Variants in GTF2E2 observed in about 807,000 individuals in gnomAD.
The protein encoded by GTF2E2 is general transcription factor IIE subunit 2, also known as transcription initiation factor IIE subunit beta.
GTF2E2 carries 21 observed loss-of-function variants against 40.5 expected under a neutral mutation model. The observed-to-expected ratio is 0.52, with a 90% CI of 0.37 to 0.75. GTF2E2 has a LOEUF of 0.75. Ranked by LOEUF, GTF2E2 falls within the 30% of genes least tolerant of loss-of-function variation. GTF2E2 has a pLI of 0.00. For synonymous variants in GTF2E2, 117 were observed against 121.6 expected (o/e 0.96, Z 0.25); for missense variants, 298 against 338.4 (o/e 0.88, Z 0.94).
intron 2 of GTF2E2, among the ~76,000 whole-genome samples, chr8:30,644,284 A>G (rs1189365241): frequency 6.6e-6 from 1 of 152,226 alleles, no homozygotes; most frequent in East Asian, 1.9e-4. Context: ...AAATGGAATA[A>G]TAACTGATAC....
At chr8:30,654,036 C>T (rs1469491970) in intron 1 of GTF2E2, among the ~76,000 whole-genome samples, 1 of 148,886 alleles carries the variant, frequency 6.7e-6, no homozygotes, top group African/African-American at 2.5e-5. Flanking sequence ...CTGCAGTGAG[C>T]TGTGATAATG....
intron 6 of GTF2E2, among the ~76,000 whole-genome samples, chr8:30,597,954 A>T (rs1829059579): frequency 6.6e-6 from 1 of 152,244 alleles, no homozygotes; most frequent in Non-Finnish European, 1.5e-5. Context: ...AATAGCCAGA[A>T]TTTTACATGT....
chr8:30,598,159 AAAG>A (rs527898950), intron 6 of GTF2E2, among the ~76,000 whole-genome samples: 60 of 152,372 alleles, frequency 3.9e-4, no homozygotes, highest in Non-Finnish European at 6.5e-4. Context: ...GCAAAATGGG[AAAG>A]AAGTACATAG....
intron 3 of GTF2E2, among the ~76,000 whole-genome samples, chr8:30,626,808 A>C (rs1294786380): frequency 6.6e-6 from 1 of 152,234 alleles, no homozygotes; most frequent in East Asian, 1.9e-4. Context: ...TTAGTAATCC[A>C]AAGAGTCCTA....
chr8:30,610,042 G>C (rs1029483318), intron 5 of GTF2E2, among the ~76,000 whole-genome samples: 2 of 152,146 alleles, frequency 1.3e-5, no homozygotes, highest in Non-Finnish European at 1.5e-5. Flanking sequence ...CCAGTCTCAA[G>C]CATTCCTTTA....
At chr8:30,650,637 A>C (rs1035925514) in intron 2 of GTF2E2, among the ~76,000 whole-genome samples, 3 of 152,008 alleles carry the variant, frequency 2.0e-5, no homozygotes, top group Admixed American at 2.0e-4. Context: ...TCGAGGCTGC[A>C]GTGAGCCATG....
chr8:30,609,375 A>C (rs1829419176), intron 5 of GTF2E2, among the ~76,000 whole-genome samples: 1 of 152,152 alleles, frequency 6.6e-6, no homozygotes, highest in Non-Finnish European at 1.5e-5. Context: ...AAAATATCCC[A>C]AAATTTGAAA....
At chr8:30,615,646 A>AAC (rs918675559) in intron 3 of GTF2E2, among the ~76,000 whole-genome samples, 34 of 152,082 alleles carry the variant, frequency 2.2e-4, no homozygotes, top group African/African-American at 4.6e-4. Flanking sequence ...ATCCAAAGAA[A>AAC]ACACACACAC....
rs145316581 is a variant in GTF2E2, at chr8:30,652,199, T to TA, written c.166+1233dup. On this transcript the variant is annotated intron_variant, in intron 2 of 7. Coordinates refer to ENST00000355904, the MANE Select transcript of GTF2E2 (RefSeq NM_002095.6). ...GATATGACACCAAGAATACAAATGA[T>TA]AAAAGAAAAAAACTGGTAAGGTGGA... 8.2e-3 allele frequency among the ~76,000 whole-genome samples: 1,240 copies of TA among 151,944 alleles called. 19 individuals carry two copies. Among genetic ancestry groups the TA allele is most frequent in the African/African-American group, 0.028 (1,150 of 41,466 alleles).
intron 6 of GTF2E2, among the ~76,000 whole-genome samples, chr8:30,603,313 A>G (rs1035513695): frequency 1.3e-5 from 2 of 152,224 alleles, no homozygotes; most frequent in Non-Finnish European, 2.9e-5. Context: ...TGGGGAGATT[A>G]CAACATATAA....
chr8:30,599,667 T>C (rs958715150), intron 6 of GTF2E2, among the ~76,000 whole-genome samples: 2 of 148,746 alleles, frequency 1.3e-5, no homozygotes, highest in African/African-American at 5.0e-5. Context: ...ATCAACAAAA[T>C]AGAATACCAT....
intron 3 of GTF2E2, among the ~76,000 whole-genome samples, chr8:30,632,806 A>G (rs1001870222): frequency 1.3e-5 from 2 of 152,208 alleles, no homozygotes; most frequent in Non-Finnish European, 2.9e-5. Flanking sequence ...TAACAGAAGC[A>G]TTAACTAATG....
chr8:30,644,994 C>T (rs1802015438), intron 2 of GTF2E2, among the ~76,000 whole-genome samples: 1 of 152,126 alleles, frequency 6.6e-6, no homozygotes. Flanking sequence ...AAGTGATCTG[C>T]CCACATCACT....
At chr8:30,630,071 TTTG>T (rs1206753272) in intron 3 of GTF2E2, among the ~76,000 whole-genome samples, 16 of 152,228 alleles carry the variant, frequency 1.1e-4, no homozygotes, top group African/African-American at 3.6e-4. Context: ...AGCAATAAAA[TTTG>T]TTTTACATTA....
rs543705384 is a variant in GTF2E2, at chr8:30,588,746, A to G, written c.644-8350T>C. On this transcript the variant is annotated intron_variant, in intron 6 of 7. Coordinates refer to ENST00000355904, the MANE Select transcript of GTF2E2 (RefSeq NM_002095.6). ...GAGTGATGCTGGGACACAAGCCAAG[A>G]AATTCGGGTAGCCTCTGGAAGCTGA... Among the ~76,000 whole-genome samples, 8 of 152,320 alleles carry G rather than the reference A, an allele frequency of 5.3e-5. No homozygotes were observed. The East Asian group carries it at 1.5e-3, about 29-fold the overall frequency.
intron 4 of GTF2E2, among the ~76,000 whole-genome samples, chr8:30,613,380 T>C (rs1434885564): frequency 6.6e-6 from 1 of 152,182 alleles, no homozygotes; most frequent in African/African-American, 2.4e-5. Context: ...TTACTGAATA[T>C]AATTATGTTT....
chr8:30,636,927 T>C, intron 2 of GTF2E2: 1 of 439,540 alleles, frequency 2.3e-6, no homozygotes, highest in South Asian at 1.6e-5. Flanking sequence ...AAATATTACC[T>C]ACGTAGTTCA....
chr8:30,626,738 AAGAG>A (rs1801288449), intron 3 of GTF2E2, among the ~76,000 whole-genome samples: 2 of 152,188 alleles, frequency 1.3e-5, no homozygotes, highest in Admixed American at 1.3e-4. Flanking sequence ...CCAGTGCAGC[AAGAG>A]AGAGAGAACA....
chr8:30,580,293 T>C lies in GTF2E2; in HGVS notation c.747A>G (p.Gly249=). 6.3e-7 allele frequency: 1 copy of C among 1,590,720 alleles called. No homozygotes were observed. Among genetic ancestry groups the C allele is most frequent in the Non-Finnish European group, 8.6e-7 (1 of 1,158,570 alleles). The stretch of plus-strand genomic sequence containing the variant: ...AGAGATTACGCACCACTTTCTTTGG[T>C]CCAGATTCCTGCATGGAAGAAATAC... ...RQGISSMQES[G]PKKVAPIQRR... Residue 249 remains glycine, a synonymous_variant, in exon 7 of 8, where the codon GGA becomes GGG. Transcript: ENST00000355904.
Sources: gnomAD v4.1 joint callset for allele counts (sites outside exome capture counted in the v4.1 genomes callset) on GRCh38, gnomAD v4.1.1 for gene constraint, MANE v1.5 for transcripts, NCBI Gene and HGNC (gene_info 2026-07-23, HGNC 2026-07-21) for gene names.